The following OPCML variants were observed in gnomAD, a reference collection of about 807,000 sequenced individuals.
The protein encoded by OPCML is opioid binding protein/cell adhesion molecule like.
Under a neutral mutation model 37.8 loss-of-function variants are expected in OPCML, and 13 were observed. The observed-to-expected ratio is 0.34, with a 90% CI of 0.22 to 0.55. The LOEUF (loss-of-function observed/expected upper bound fraction) is 0.55, where lower values mean the gene tolerates loss of function less well. Ranked by LOEUF, OPCML falls within the 20% of genes least tolerant of loss-of-function variation. OPCML has a pLI of 0.91. For missense variants in OPCML, 341 were observed against 435.6 expected (o/e 0.78, Z 1.93); for synonymous variants, 176 against 168.8 (o/e 1.04, Z -0.33).
intron 3 of OPCML, among the ~76,000 whole-genome samples, chr11:132,586,435 A>G (rs368169434): frequency 5.9e-5 from 9 of 152,312 alleles, no homozygotes; most frequent in African/African-American, 1.9e-4. Context: ...GCTGTGCCAG[A>G]TGTGGTATCT....
At chr11:132,771,375 C>T (rs1458504485) in intron 2 of OPCML, among the ~76,000 whole-genome samples, 1 of 152,100 alleles carries the variant, frequency 6.6e-6, no homozygotes, top group Non-Finnish European at 1.5e-5. Flanking sequence ...CAATAGAAAG[C>T]AGAGAGGCCA....
chr11:133,204,868 GTATATATATATATATATATA>G lies in OPCML; in HGVS notation c.62-261878_62-261859del, dbSNP rs57658806. On this transcript the variant is annotated intron_variant, in intron 1 of 7. Coordinates refer to ENST00000524381, the MANE Select transcript of OPCML (RefSeq NM_001012393.5). The stretch of plus-strand genomic sequence containing the variant: ...TGATCTATTATATATATATATATGT[GTATATATATATATATATATA>G]TATATATATATATATATATATACAT... Among the ~76,000 whole-genome samples the G allele has an allele frequency of 9.2e-3, 1,081 of 117,212 alleles. 22 individuals carry two copies. The highest frequency in any genetic ancestry group is 0.012 in the East Asian group (20 of 1,638). The allele number at this position is 117,212 out of a possible 152,430, so 76.9% of individuals were successfully genotyped here.
At chr11:133,453,110 C>T (rs1946611141) in intron 1 of OPCML, among the ~76,000 whole-genome samples, 1 of 152,192 alleles carries the variant, frequency 6.6e-6, no homozygotes, top group Non-Finnish European at 1.5e-5. Flanking sequence ...CACTTTCTCC[C>T]TGTCTAGATT....
intron 3 of OPCML, among the ~76,000 whole-genome samples, chr11:132,544,923 C>T (rs77389414): frequency 0.016 from 2,376 of 152,188 alleles, 56 homozygotes; most frequent in African/African-American, 0.048. Context: ...AGGAAAGGAC[C>T]GCCCCATTCC....
intron 1 of OPCML, among the ~76,000 whole-genome samples, chr11:133,128,908 G>A (rs1949561572): frequency 5.3e-5 from 8 of 152,158 alleles, no homozygotes. Flanking sequence ...TGCAGTAACA[G>A]GGACCAGTTT....
At chr11:133,312,038 TG>T (rs1436567812) in intron 1 of OPCML, among the ~76,000 whole-genome samples, 1 of 152,204 alleles carries the variant, frequency 6.6e-6, no homozygotes, top group Admixed American at 6.5e-5. Flanking sequence ...AATCGACCTC[TG>T]TCCAGGAAAG....
rs1175765286 is a variant in OPCML at position 132,943,205 on chromosome 11, G to T, written c.62-195C>A. 4 of 1,508,356 alleles carry T rather than the reference G, an allele frequency of 2.7e-6. 1 individual carries two copies. Among genetic ancestry groups the T allele is most frequent in the Non-Finnish European group, 1.8e-6 (2 of 1,107,078 alleles). 93.4% of individuals were successfully genotyped at this position (1,508,356 alleles called of 1,614,324 possible). ...GGGGAGGAGGGAAGGGGCAGAGTTC[G>T]CCAGGAGCAGGGGGAAGGAGAAGAG... On this transcript the variant is annotated intron_variant, in intron 1 of 7. Transcript: ENST00000524381. The surrounding 1 kb of genome is among the most constrained non-coding windows in gnomAD (Gnocchi z 4.3).
chr11:133,312,419 G>A (rs1943085718), intron 1 of OPCML, among the ~76,000 whole-genome samples: 1 of 152,186 alleles, frequency 6.6e-6, no homozygotes. Flanking sequence ...CAGCCTGTGT[G>A]TACTCAGCAT....
At chr11:132,991,537 C>G (rs1221013612) in intron 1 of OPCML, among the ~76,000 whole-genome samples, 1 of 152,164 alleles carries the variant, frequency 6.6e-6, no homozygotes, top group Non-Finnish European at 1.5e-5. Flanking sequence ...AAAGTGACAG[C>G]ACAGTAAATA....
intron 2 of OPCML, among the ~76,000 whole-genome samples, chr11:132,874,448 C>A (rs1448943603): frequency 1.6e-5 from 2 of 122,230 alleles, no homozygotes; most frequent in African/African-American, 6.1e-5. Context: ...TTCCTTCTTT[C>A]CTTCCCTTCC....
chr11:133,030,108 C>T (rs563304528), intron 1 of OPCML, among the ~76,000 whole-genome samples: 3 of 152,272 alleles, frequency 2.0e-5, no homozygotes, highest in South Asian at 4.1e-4. Flanking sequence ...CTTCTGGCCA[C>T]ACTACATTCC....
At chr11:132,656,646 A>G (rs1941721523) in intron 3 of OPCML, among the ~76,000 whole-genome samples, 1 of 152,176 alleles carries the variant, frequency 6.6e-6, no homozygotes, top group Admixed American at 6.5e-5. Context: ...ACCCCTCCAG[A>G]GCATGCATGA....
chr11:132,973,066 T>A (rs1195590171), intron 1 of OPCML, among the ~76,000 whole-genome samples: 1 of 151,556 alleles, frequency 6.6e-6, no homozygotes, highest in African/African-American at 2.4e-5. Flanking sequence ...AGTTTTGTGT[T>A]GTTTGTTTGT....
chr11:132,824,107 GCC>G (rs1940155353), intron 2 of OPCML, among the ~76,000 whole-genome samples: 1 of 151,952 alleles, frequency 6.6e-6, no homozygotes, highest in African/African-American at 2.4e-5. Context: ...TTAAATCTCA[GCC>G]CTGAATGCTT....
At chr11:133,381,616 T>C (rs1169310893) in intron 1 of OPCML, among the ~76,000 whole-genome samples, 1 of 151,906 alleles carries the variant, frequency 6.6e-6, no homozygotes, top group African/African-American at 2.4e-5. Flanking sequence ...GAAAAGAGGA[T>C]GGGAGAAAGA....
intron 3 of OPCML, among the ~76,000 whole-genome samples, chr11:132,592,409 T>A (rs555880782): frequency 1.1e-3 from 162 of 151,686 alleles, no homozygotes; most frequent in African/African-American, 3.7e-3. Context: ...GGAAAAAAAA[T>A]GGAGAAAATG....
At chr11:133,498,784 G>T (rs1210686788) in intron 1 of OPCML, among the ~76,000 whole-genome samples, 2 of 152,184 alleles carry the variant, frequency 1.3e-5, no homozygotes, top group African/African-American at 4.8e-5. Context: ...TTAAGCATGA[G>T]AAATGAATCT....
chr11:133,224,729 A>T (rs1939971835), intron 1 of OPCML, among the ~76,000 whole-genome samples: 2 of 152,244 alleles, frequency 1.3e-5, no homozygotes, highest in South Asian at 4.1e-4. Flanking sequence ...GAACATATTA[A>T]TGATAACAGA....
intron 1 of OPCML, among the ~76,000 whole-genome samples, chr11:133,268,353 T>A (rs909671364): frequency 2.6e-5 from 4 of 152,258 alleles, no homozygotes; most frequent in African/African-American, 9.6e-5. Flanking sequence ...CTTATTCTGT[T>A]CCTAACTGCA....
Sources: gnomAD v4.1 joint callset for allele counts (sites outside exome capture counted in the v4.1 genomes callset) on GRCh38, gnomAD v4.1.1 for gene constraint, Gnocchi (gnomAD v3.1) non-coding constraint, MANE v1.5 for transcripts, NCBI Gene and HGNC (gene_info 2026-07-23, HGNC 2026-07-21) for gene names.